PCDHA5: variants seen among roughly 807,000 people sequenced by gnomAD.
PCDHA5 encodes protocadherin alpha-5.
Under a neutral mutation model 61.6 loss-of-function variants are expected in PCDHA5, and 43 were observed. The observed-to-expected ratio is 0.70, with a 90% confidence interval of 0.55 to 0.90. The LOEUF (loss-of-function observed/expected upper bound fraction) is 0.90. Among genes scored for constraint, PCDHA5 ranks in the 40% least tolerant of loss-of-function variants. The pLI is 0.00. For missense variants in PCDHA5, 1,298 were observed against 1,222.7 expected (o/e 1.06, Z -0.92); for synonymous variants, 627 against 543.9 (o/e 1.15, Z -2.13).
intron 1 of PCDHA5, among the ~76,000 whole-genome samples, chr5:140,941,955 A>G (rs1424348103): frequency 1.3e-5 from 2 of 152,216 alleles, no homozygotes; most frequent in Non-Finnish European, 2.9e-5. Flanking sequence ...TTTGAAAACA[A>G]TAGTATCTTT....
In PCDHA5 at chr5:140,982,563, G is replaced by C; in HGVS notation, c.2500G>C (p.Glu834Gln). 3 of 1,614,072 alleles carry C rather than the reference G, an allele frequency of 1.9e-6. No homozygotes were observed. The highest frequency in any genetic ancestry group is 2.5e-6 in the Non-Finnish European group (3 of 1,179,960). The change falls in exon 3 of 4, where the codon GAA (glutamate) becomes CAA (glutamine). Residue 834 changes from glutamate (E) to glutamine (Q), a missense_variant and splice_region_variant. By Grantham distance (29) the Glu-to-Gln change is conservative (BLOSUM62 2). Transcript: ENST00000529859. Reference protein sequence around the residue: ...QWPTVSSATPEPEAGEVSPPV... With the variant: ...QWPTVSSATPQPEAGEVSPPV... Reference sequence around the variant, plus strand: ...GCCAACAGTATCCAGTGCAACACCAGGTAAAGAGCTGGGGTCTCTCCATTC... The same window carrying C: ...GCCAACAGTATCCAGTGCAACACCACGTAAAGAGCTGGGGTCTCTCCATTC...
intron 1 of PCDHA5, chr5:140,856,717 A>T: frequency 6.3e-7 from 1 of 1,596,480 alleles, no homozygotes; most frequent in Non-Finnish European, 8.6e-7. Flanking sequence ...AATTTACCGG[A>T]TCTGTTTCTC....
rs147252917 is a variant in PCDHA5 at position 140,835,512 on chromosome 5, C to T, written c.2352+11385C>T. On this transcript the variant is annotated intron_variant, in intron 1 of 3. Coordinates refer to ENST00000529859, the MANE Select transcript of PCDHA5 (RefSeq NM_018908.3). ...CATCACATTGATTAGCGTGTTTGAC[C>T]GAGATTTTGGAGTCAACGGACAGGT... 259 of 1,613,798 alleles carry T rather than the reference C, an allele frequency of 1.6e-4. 5 individuals carry two copies. Among genetic ancestry groups the T allele is most frequent in the Non-Finnish European group, 2.1e-4 (250 of 1,179,884 alleles).
chr5:140,829,811 G>A (rs2150175266), intron 1 of PCDHA5: 4 of 1,613,910 alleles, frequency 2.5e-6, no homozygotes, highest in South Asian at 1.1e-5. Flanking sequence ...GGGTGGTACT[G>A]GTGGTGCAGT....
intron 1 of PCDHA5, chr5:140,875,508 G>GC: frequency 6.2e-7 from 1 of 1,613,706 alleles, no homozygotes; most frequent in South Asian, 1.1e-5. Flanking sequence ...CGGGATCCCA[G>GC]CGTCTGCTGC....
chr5:140,939,195 C>T (rs1554212604), intron 1 of PCDHA5, among the ~76,000 whole-genome samples: 1 of 152,122 alleles, frequency 6.6e-6, no homozygotes, highest in East Asian at 1.9e-4. Flanking sequence ...GTTCATAAAA[C>T]AGAATGTCAC....
intron 1 of PCDHA5, chr5:140,828,559 C>A (rs2150156735): frequency 8.1e-6 from 13 of 1,614,056 alleles, no homozygotes; most frequent in Non-Finnish European, 1.1e-5. Flanking sequence ...CACTGGAGGG[C>A]GCGTCCGATG....
intron 1 of PCDHA5, chr5:140,882,249 T>C (rs1412428548): frequency 6.3e-7 from 1 of 1,595,264 alleles, no homozygotes; most frequent in Non-Finnish European, 8.5e-7. Flanking sequence ...CAGATAGCTC[T>C]GAGGTTTTTG....
rs2150125438 is a variant in PCDHA5, at chr5:140,823,390, G to T, written c.1615G>T (p.Ala539Ser). Residue 539 changes from alanine to serine, a missense_variant, in exon 1 of 4, where the codon GCG (alanine) becomes TCG (serine). Transcript: ENST00000529859. The stretch of plus-strand genomic sequence containing the variant: ...GCAGTTCCAGGTGAGCGCGCGCGAC[G>T]CGGGCGTGCCGCCTCTGGGCAGCAA... The part of the protein sequence containing the change: ...LLQFQVSARD[A>S]GVPPLGSNVT... 8 of 1,612,786 alleles carry T rather than the reference G, an allele frequency of 5.0e-6. No individual in the cohort carries two copies. The Admixed American group carries it at 1.2e-4, about 24-fold the overall frequency.
intron 1 of PCDHA5, chr5:140,856,399 T>A: frequency 6.3e-7 from 1 of 1,598,492 alleles, no homozygotes; most frequent in Admixed American, 1.7e-5. Flanking sequence ...AGGTTTTCCA[T>A]GTGGACGTGG....
chr5:140,991,879 G>A (rs1464021872), intron 3 of PCDHA5, among the ~76,000 whole-genome samples: 1 of 152,174 alleles, frequency 6.6e-6, no homozygotes, highest in Non-Finnish European at 1.5e-5. Flanking sequence ...TCCTAGGGCT[G>A]CCATAACAAA....
At chr5:140,978,769 T>C in intron 1 of PCDHA5, 180 bp from the exon 2 acceptor site, 1 of 957,338 alleles carries the variant, frequency 1.0e-6, no homozygotes, top group Non-Finnish European at 1.2e-6. Flanking sequence ...CCTGATGAAC[T>C]AATTTTCTTC....
chr5:140,884,265 T>A, intron 1 of PCDHA5: 1 of 1,613,432 alleles, frequency 6.2e-7, no homozygotes, highest in Middle Eastern at 1.6e-4. Context: ...GCAACGGTGC[T>A]GTTGTCGCTG....
At chr5:140,828,092 A>T in intron 1 of PCDHA5, 2 of 1,598,744 alleles carry the variant, frequency 1.3e-6, no homozygotes, top group Non-Finnish European at 1.7e-6. Flanking sequence ...GGTATTTGAC[A>T]TGGTGTTTAC....
chr5:140,844,849 G>T, intron 1 of PCDHA5, among the ~76,000 whole-genome samples: 1 of 148,746 alleles, frequency 6.7e-6, no homozygotes, highest in African/African-American at 2.5e-5. Flanking sequence ...TGTGACTGTT[G>T]GACCTGCCTG....
intron 1 of PCDHA5, chr5:140,852,775 T>G (rs1554146101): frequency 1.0e-6 from 1 of 980,592 alleles, no homozygotes; most frequent in African/African-American, 1.8e-5. Context: ...TTATTTGATG[T>G]GAATAGAGGG....
chr5:140,835,970 G>A, intron 1 of PCDHA5: 1 of 1,613,320 alleles, frequency 6.2e-7, no homozygotes, highest in Non-Finnish European at 8.5e-7. Flanking sequence ...AGGAGCTGGA[G>A]CTGTTGCAGT....
chr5:140,882,347 G>A (rs1554173687), intron 1 of PCDHA5: 3 of 1,614,198 alleles, frequency 1.9e-6, no homozygotes, highest in South Asian at 2.2e-5. Context: ...CTGGGAGACG[G>A]GTAGTGGCCA....
At chr5:140,874,372 A>C (rs1055265865) in intron 1 of PCDHA5, among the ~76,000 whole-genome samples, 1 of 152,362 alleles carries the variant, frequency 6.6e-6, no homozygotes, top group South Asian at 2.1e-4. Context: ...TAAACTCATG[A>C]AAGGTCTTTT....
Sources: allele counts gnomAD v4.1 joint callset (sites outside exome capture counted in the v4.1 genomes callset), GRCh38; gene constraint gnomAD v4.1.1; transcripts MANE v1.5; gene names NCBI Gene and HGNC (gene_info 2026-07-23, HGNC 2026-07-21).